The following TSR3 variants were observed in gnomAD, a reference collection of about 807,000 sequenced individuals.
TSR3 encodes TSR3 ribosome maturation factor.
Under a neutral mutation model 28.1 loss-of-function variants are expected in TSR3, and 31 were observed. The ratio of observed to expected loss-of-function variants is 1.10; its 90% confidence interval spans 0.83 to 1.49. TSR3 has a LOEUF of 1.49. Among genes scored for constraint, TSR3 ranks in the 40% most tolerant of loss-of-function variants. TSR3 has a pLI of 0.00. For missense variants in TSR3, 511 were observed against 444.0 expected, an observed-to-expected ratio of 1.15 and a Z score of -1.36; for synonymous variants, 219 against 197.2, an observed-to-expected ratio of 1.11 and a Z score of -0.93.
rs2034677457 is a variant in TSR3 at position 1,351,410 on chromosome 16, C to T, written c.301G>A (p.Val101Met). The change falls in exon 2 of 6, where the codon GTG (valine) becomes ATG (methionine). Residue 101 changes from valine to methionine, a missense_variant. Transcript: ENST00000007390. ...HRFGGLVLSP[V>M]GKQYASPADR... ...GCGGGGGACGCGTACTGCTTGCCCA[C>T]GGGGCTCAGCACCAGACCGCCGAAT... is the stretch of plus-strand genomic sequence containing the variant. 1.3e-6 allele frequency: 2 copies of T among 1,594,700 alleles called. No individual in the cohort carries two copies. The highest frequency in any genetic ancestry group is 2.2e-5 in the East Asian group (1 of 44,690).
At chr16:1,350,694 C>G in intron 3 of TSR3, 113 bp downstream of exon 3, 4 of 1,283,116 alleles carry the variant, frequency 3.1e-6, no homozygotes, top group Non-Finnish European at 4.4e-6. Context: ...GAACTGTTCC[C>G]CTGTCCGTCC....
In TSR3 at chr16:1,351,815, T is replaced by G. The variant is rs2034685755; in HGVS notation, c.-11A>C. On this transcript the variant is annotated 5_prime_UTR_variant, in exon 1 of 6. Transcript: ENST00000007390. The stretch of plus-strand genomic sequence containing the variant: ...CCTCCTGCGGCCCATGGCGCGGACC[T>G]GGGGTGCCGGGGACTCCCCACCCCA... 1 of 1,312,298 alleles carries G rather than the reference T, an allele frequency of 7.6e-7. No homozygotes were observed. 81.3% of individuals were successfully genotyped at this position (1,312,298 alleles called of 1,614,324 possible).
chr16:1,350,232 A>G lies in TSR3; in HGVS notation c.529T>C (p.Phe177Leu), dbSNP rs142802890. The G allele has an allele frequency of 4.6e-5, 73 of 1,586,110 alleles. No homozygotes were observed. The highest frequency in any genetic ancestry group is 5.8e-5 in the Non-Finnish European group (68 of 1,170,778). Residue 177 changes from phenylalanine (F) to leucine (L), a missense_variant and splice_region_variant, in exon 4 of 6, where the codon TTT becomes CTT. Coordinates refer to ENST00000007390, the MANE Select transcript of TSR3 (RefSeq NM_001001410.3). Reference protein sequence around the residue: ...AFAATFCIVGFPDLAVILLRK... With the variant: ...AFAATFCIVGLPDLAVILLRK... ...AGCAAAATGACAGCAAGGTCTGGAA[A>G]GCCTGACGGTGTGAGAAACAGGAAA...
chr16:1,351,359 G>T lies in TSR3; in HGVS notation c.332+20C>A. 1 of 1,566,626 alleles carries T rather than the reference G, an allele frequency of 6.4e-7. No individual in the cohort carries two copies. The highest frequency in any genetic ancestry group is 1.8e-5 in the Admixed American group (1 of 54,188). Reference sequence around the variant, plus strand: ...CGCGCTGGAAATGAAGACGACCTCGGGCAGGCCTCCCGCGCCTACCTGTCT... The same window carrying T: ...CGCGCTGGAAATGAAGACGACCTCGTGCAGGCCTCCCGCGCCTACCTGTCT... On this transcript the variant is annotated intron_variant, in intron 2 of 5. Transcript: ENST00000007390.
Position 1,351,775 on chromosome 16 carries a change from C to T in TSR3, c.30G>A (p.Pro10=). The T allele has an allele frequency of 1.5e-6, 2 of 1,345,064 alleles. No individual in the cohort carries two copies. Among genetic ancestry groups the T allele is most frequent in the Non-Finnish European group, 1.9e-6 (2 of 1,054,144 alleles). The allele number at this position is 1,345,064 out of a possible 1,614,324, so 83.3% of individuals were successfully genotyped here. The change falls in exon 1 of 6, where the codon CCG becomes CCA. Residue 10 remains proline (P), a synonymous_variant. Transcript: ENST00000007390. MGRRRAARG[P]GAEGGRPRHL... is the part of the protein sequence containing the mutation. The stretch of plus-strand genomic sequence containing the variant: ...GCCGAGGGCGGCCGCCTTCCGCCCC[C>T]GGCCCGCGCGCTGCCCTCCTGCGGC...
At chr16:1,351,061 C>A in intron 2 of TSR3, 61 bp from the exon 3 acceptor site, 1 of 1,532,262 alleles carries the variant, frequency 6.5e-7, no homozygotes, top group Non-Finnish European at 8.9e-7. Flanking sequence ...GAGCATGCCC[C>A]GGAGAATGGC....
Position 1,349,305 on chromosome 16 carries a change from G to A in TSR3, c.*132C>T. On this transcript the variant is annotated 3_prime_UTR_variant, in exon 6 of 6. Coordinates refer to ENST00000007390, the MANE Select transcript of TSR3 (RefSeq NM_001001410.3). ...GACACAGAGCACAGCTGTGCTGGAA[G>A]TGTGGGGAGAACCCGGACAGCTCAG... The A allele has an allele frequency of 1.0e-6, 1 of 985,828 alleles. No individual in the cohort carries two copies. 61.1% of individuals were successfully genotyped at this position (985,828 alleles called of 1,614,324 possible).
Position 1,349,960 on chromosome 16 carries a change from G to A in TSR3, c.704-8C>T, listed in dbSNP as rs199629353. 692 of 1,613,364 alleles carry A rather than the reference G, an allele frequency of 4.3e-4. No homozygotes were observed. The highest frequency in any genetic ancestry group is 5.6e-4 in the Non-Finnish European group (659 of 1,179,978). On this transcript the variant is annotated splice_polypyrimidine_tract_variant and splice_region_variant and intron_variant, in intron 4 of 5. Transcript: ENST00000007390. ...AATCCACATCGAAGGGATCTGAGCC[G>A]AGAGAGGAAAGTGGCCTCTAAGTGA... is the stretch of plus-strand genomic sequence containing the variant.
intron 3 of TSR3, 131 bp downstream of exon 3, chr16:1,350,676 G>C (rs1261449228): frequency 3.7e-6 from 4 of 1,078,386 alleles, no homozygotes; most frequent in Non-Finnish European, 5.3e-6. Context: ...TGGAACCGTG[G>C]TCTGTCTGAA....
At position 1,351,242 on chromosome 16, in the gene TSR3, CG is replaced by C. The variant is rs2034668975; in HGVS notation, c.332+136del. The stretch of plus-strand genomic sequence containing the variant: ...TTATCCCAGGCTCTGCGCTACGCAA[CG>C]GAGGCAAACTAGACAGACGTTCCCT... On this transcript the variant is annotated intron_variant, in intron 2 of 5. Coordinates refer to ENST00000007390, the MANE Select transcript of TSR3 (RefSeq NM_001001410.3). 6.5e-6 allele frequency: 7 copies of C among 1,074,528 alleles called. No homozygotes were observed. The South Asian group carries it at 1.1e-4, about 18-fold the overall frequency. 66.6% of individuals were successfully genotyped at this position (1,074,528 alleles called of 1,614,324 possible).
Position 1,349,914 on chromosome 16 carries a change from G to T in TSR3, c.742C>A (p.Pro248Thr). The change falls in exon 5 of 6, where the codon CCC becomes ACC. Residue 248 changes from proline to threonine, a missense_variant. Pro to Thr is a conservative substitution (Grantham distance 38). Transcript: ENST00000007390. ...CGGGTGCTGGCCACAGGCCTGTTGG[G>T]GTTTCCAAACTCTCTCCCTGAATCC... ...DVDSGREFGN[P>T]NRPVASTRLP... 3 of 1,613,692 alleles carry T rather than the reference G, an allele frequency of 1.9e-6. No homozygotes were observed. Among genetic ancestry groups the T allele is most frequent in the Non-Finnish European group, 2.5e-6 (3 of 1,180,020 alleles).
rs751382599 is a variant in TSR3 at position 1,349,354 on chromosome 16, C to T, written c.*83G>A. ...AGTCCTGCCAGCAGCCGCAAAGAGC[C>T]GAGGCTGCCAGGCCCATTTATGTCC... On this transcript the variant is annotated 3_prime_UTR_variant, in exon 6 of 6. Coordinates refer to ENST00000007390, the MANE Select transcript of TSR3 (RefSeq NM_001001410.3). The T allele has an allele frequency of 2.6e-6, 4 of 1,510,584 alleles. No individual in the cohort carries two copies. Among genetic ancestry groups the T allele is most frequent in the East Asian group, 2.3e-5 (1 of 44,390 alleles). 93.6% of individuals were successfully genotyped at this position (1,510,584 alleles called of 1,614,324 possible).
In TSR3 at chr16:1,350,178, A is replaced by G; in HGVS notation, c.583T>C (p.Leu195=). 3 of 1,609,846 alleles carry G rather than the reference A, an allele frequency of 1.9e-6. No homozygotes were observed. Among genetic ancestry groups the G allele is most frequent in the Non-Finnish European group, 2.5e-6 (3 of 1,179,792 alleles). The change falls in exon 4 of 6, where the codon TTG becomes CTG. Residue 195 remains leucine, a synonymous_variant. Transcript: ENST00000007390. Reference sequence around the variant, plus strand: ...TCCAGGAGCTGGCGGTTCAGGTCCAAGAAGCCCTTGCCCCATTTAAACTTC... The same window carrying G: ...TCCAGGAGCTGGCGGTTCAGGTCCAGGAAGCCCTTGCCCCATTTAAACTTC... The part of the protein sequence containing the change: ...LRKFKWGKGF[L]DLNRQLLDKY...
rs61738797 is a variant in TSR3, at chr16:1,349,550, G to A, written c.826C>T (p.Arg276Cys). 2,555 of 1,613,022 alleles carry A rather than the reference G, an allele frequency of 1.6e-3. 31 individuals carry two copies. In the African/African-American group the frequency reaches 0.027, roughly 17 times the overall value. The change falls in exon 6 of 6, where the codon CGC (arginine) becomes TGC (cysteine). Residue 276 changes from arginine to cysteine, a missense_variant. Coordinates refer to ENST00000007390, the MANE Select transcript of TSR3 (RefSeq NM_001001410.3). ...CAGCAGCTGCTGCTGGCTCCTCCGC[G>A]CTCGGCGCCAGGCCCTGGGTCCTCA... ...ASEDPGPGAERGGASSSCCEE... is the reference protein window; with the variant it reads ...ASEDPGPGAECGGASSSCCEE...
intron 5 of TSR3, 31 bp from the exon 6 acceptor site, chr16:1,349,639 T>C: frequency 6.4e-7 from 1 of 1,562,870 alleles, no homozygotes; most frequent in Non-Finnish European, 8.7e-7. Flanking sequence ...CGTTCCCAAA[T>C]GACGTCCTCC....
chr16:1,349,692 C>T lies in TSR3; in HGVS notation c.768-84G>A, dbSNP rs1239265126. 59 of 1,486,548 alleles carry T rather than the reference C, an allele frequency of 4.0e-5. No homozygotes were observed. The East Asian group carries it at 7.0e-4, about 18-fold the overall frequency. 92.1% of individuals were successfully genotyped at this position (1,486,548 alleles called of 1,614,324 possible). A position where few individuals can be genotyped will look rare whatever the true frequency, so the allele number is the denominator to read the frequency against. On this transcript the variant is annotated intron_variant, in intron 5 of 5. Coordinates refer to ENST00000007390, the MANE Select transcript of TSR3 (RefSeq NM_001001410.3). ...ACGTCATCCACAAAAAGCCCCCAGC[C>T]GAGGACAGATTCCTCTTCCTCCCTG...
Position 1,350,840 on chromosome 16 carries a change from C to G in TSR3, c.493G>C (p.Val165Leu), listed in dbSNP as rs1227196593. The change falls in exon 3 of 6, where the codon GTG becomes CTG. Residue 165 changes from valine to leucine, a missense_variant. Coordinates refer to ENST00000007390, the MANE Select transcript of TSR3 (RefSeq NM_001001410.3). The stretch of plus-strand genomic sequence containing the variant: ...CAGAAGGTGGCAGCAAACGCTTCCA[C>G]GCAGGAAAGTCTGTAGGGCCGGCCA... The part of the protein sequence containing the change: ...NYGRPYRLSC[V>L]EAFAATFCIV... The G allele has an allele frequency of 6.2e-7, 1 of 1,612,844 alleles. No individual in the cohort carries two copies. Among genetic ancestry groups the G allele is most frequent in the Non-Finnish European group, 8.5e-7 (1 of 1,179,970 alleles).
chr16:1,350,720 G>A, intron 3 of TSR3, 87 bp downstream of exon 3: 1 of 1,445,870 alleles, frequency 6.9e-7, no homozygotes, highest in Non-Finnish European at 9.5e-7. Context: ...GCTCCTCCTG[G>A]GGTCTGTCGG....
intron 3 of TSR3, 133 bp from the exon 4 acceptor site, chr16:1,350,367 T>G: frequency 1.0e-6 from 1 of 991,448 alleles, no homozygotes; most frequent in Admixed American, 2.8e-5. Context: ...CTCACAGTCC[T>G]GAGAACCCGT....
Sources: allele counts gnomAD v4.1 joint callset, GRCh38; gene constraint gnomAD v4.1.1; transcripts MANE v1.5; gene names NCBI Gene and HGNC (gene_info 2026-07-23, HGNC 2026-07-21).